HAO1: variants seen among roughly 807,000 people sequenced by gnomAD.
HAO1 encodes 2-Hydroxyacid oxidase 1.
A neutral mutation model predicts 39.7 loss-of-function variants in HAO1; 34 were observed. That is an observed-to-expected ratio of 0.86 (90% CI 0.65 to 1.14). The LOEUF is 1.14. HAO1 is among the 50% of genes most tolerant of loss of function. The probability of loss-of-function intolerance (pLI) is 0.00; values close to 1 mark genes in which losing one functional copy is unlikely to be tolerated. For missense variants in HAO1, 479 were observed against 464.5 expected, an observed-to-expected ratio of 1.03 and a Z score of -0.29; for synonymous variants, 172 against 173.2, an observed-to-expected ratio of 0.99 and a Z score of 0.05.
At chr20:7,892,465 A>G (rs2423322) in intron 5 of HAO1, among the ~76,000 whole-genome samples, 95,526 of 152,056 alleles carry the variant, frequency 0.63, 35,019 homozygotes, top group Non-Finnish European at 0.82. Flanking sequence ...TGCACACCCA[A>G]TATTCCCTGC....
chr20:7,905,494 A>G (rs1422990246), intron 4 of HAO1, among the ~76,000 whole-genome samples: 1 of 152,230 alleles, frequency 6.6e-6, no homozygotes, highest in Non-Finnish European at 1.5e-5. Context: ...AAGGTTATAT[A>G]CCACAAAGGT....
intron 4 of HAO1, among the ~76,000 whole-genome samples, chr20:7,905,157 C>T (rs142839930): frequency 3.3e-5 from 5 of 151,490 alleles, no homozygotes; most frequent in African/African-American, 9.8e-5. Context: ...TATTATATAT[C>T]GATTTAAAAA....
Position 7,940,335 on chromosome 20 carries a change from C to T in HAO1, c.88G>A (p.Gly30Arg). ...PKSIYDYYRS[G>R]ANDEETLADN... ...GCCAAAGTTTCTTCATCATTTGCCC[C>T]AGACCTGTAATAGTCATATATAGAC... Residue 30 changes from glycine to arginine, a missense_variant, in exon 1 of 8, where the codon GGG becomes AGG. Transcript: ENST00000378789. 1 of 1,611,298 alleles carries T rather than the reference C, an allele frequency of 6.2e-7. No homozygotes were observed. The highest frequency in any genetic ancestry group is 8.5e-7 in the Non-Finnish European group (1 of 1,178,682).
At chr20:7,922,047 C>T (rs576151896) in intron 2 of HAO1, among the ~76,000 whole-genome samples, 1 of 152,068 alleles carries the variant, frequency 6.6e-6, no homozygotes, top group African/African-American at 2.4e-5. Context: ...CACTCCAAAC[C>T]TCAGCATCAT....
rs776852123 is a variant in HAO1, at chr20:7,906,287, C to CT, written c.587dup (p.Glu197GlyfsTer15). ...GTCCACTGTCGTCTCCAAAATTTTC[C>CT]TCAGGAGAAAATGATAAAGTACTGG... On this transcript the variant is annotated frameshift_variant, in exon 4 of 8. Coordinates refer to ENST00000378789, the MANE Select transcript of HAO1 (RefSeq NM_017545.3). LOFTEE classifies it high-confidence loss of function. 9 of 1,612,000 alleles carry CT rather than the reference C, an allele frequency of 5.6e-6. No individual in the cohort carries two copies. The highest frequency in any genetic ancestry group is 7.6e-6 in the Non-Finnish European group (9 of 1,178,342).
At chr20:7,897,513 C>G (rs918165997) in intron 4 of HAO1, among the ~76,000 whole-genome samples, 1 of 151,992 alleles carries the variant, frequency 6.6e-6, no homozygotes, top group South Asian at 2.1e-4. Context: ...ATGTTATTGA[C>G]TTTACTGCTC....
chr20:7,924,766 A>G (rs990998863), intron 2 of HAO1, among the ~76,000 whole-genome samples: 2 of 152,184 alleles, frequency 1.3e-5, no homozygotes, highest in African/African-American at 4.8e-5. Flanking sequence ...GAAGCAAAAA[A>G]GTGTAATATG....
rs750293151 is a variant in HAO1 at position 7,912,452 on chromosome 20, T to TTAG, written c.545+1709_545+1711dup. Among the ~76,000 whole-genome samples, 320 of 152,128 alleles carry TTAG rather than the reference T, an allele frequency of 2.1e-3. 1 individual carries two copies. The highest frequency in any genetic ancestry group is 3.6e-3 in the Non-Finnish European group (248 of 67,992). On this transcript the variant is annotated intron_variant, in intron 3 of 7. Transcript: ENST00000378789. ...GTACTTACTATTGTTGTTACTATTG[T>TTAG]TAGTAGTAGTAGTGTTAAGAGATGG...
At chr20:7,902,019 A>G (rs2050223356) in intron 4 of HAO1, among the ~76,000 whole-genome samples, 1 of 152,242 alleles carries the variant, frequency 6.6e-6, no homozygotes, top group Non-Finnish European at 1.5e-5. Flanking sequence ...CATGAGATAA[A>G]ACTTAAATGA....
intron 7 of HAO1, among the ~76,000 whole-genome samples, 170 bp from the exon 8 acceptor site, chr20:7,883,833 A>G (rs1288518253): frequency 1.3e-5 from 2 of 152,240 alleles, no homozygotes; most frequent in Non-Finnish European, 2.9e-5. Context: ...AACAGTCCTT[A>G]ACACAAAATG....
intron 2 of HAO1, among the ~76,000 whole-genome samples, chr20:7,915,997 G>A (rs1248812238): frequency 6.6e-6 from 1 of 152,104 alleles, no homozygotes; most frequent in Non-Finnish European, 1.5e-5. Context: ...TAAAATGTGT[G>A]TGCTAGATAT....
At chr20:7,900,874 G>C (rs887848812) in intron 4 of HAO1, among the ~76,000 whole-genome samples, 1 of 152,194 alleles carries the variant, frequency 6.6e-6, no homozygotes, top group Non-Finnish European at 1.5e-5. Context: ...AAACAGCTAA[G>C]TTGTGAATGC....
At chr20:7,940,125 A>T (rs951818450) in intron 1 of HAO1, among the ~76,000 whole-genome samples, 161 bp downstream of exon 1, 1 of 152,226 alleles carries the variant, frequency 6.6e-6, no homozygotes, top group Non-Finnish European at 1.5e-5. Flanking sequence ...TTAACAATTT[A>T]AAGGCCCAAG....
At chr20:7,899,125 G>A (rs890689350) in intron 4 of HAO1, among the ~76,000 whole-genome samples, 2 of 151,860 alleles carry the variant, frequency 1.3e-5, no homozygotes, top group Non-Finnish European at 2.9e-5. Context: ...AGGAAGAAGT[G>A]ATTCACTGCT....
At chr20:7,914,100 G>A in intron 3 of HAO1, 64 bp downstream of exon 3, 2 of 1,578,064 alleles carry the variant, frequency 1.3e-6, no homozygotes, top group Non-Finnish European at 8.7e-7. Flanking sequence ...GTAGAACCCA[G>A]ACCCTAACAT....
At chr20:7,929,779 G>T (rs564045896) in intron 2 of HAO1, among the ~76,000 whole-genome samples, 1 of 152,186 alleles carries the variant, frequency 6.6e-6, no homozygotes, top group Non-Finnish European at 1.5e-5. Flanking sequence ...CAGGGGAATC[G>T]CTTGAACCTG....
chr20:7,911,324 C>T (rs947005242), intron 3 of HAO1, among the ~76,000 whole-genome samples: 1 of 152,170 alleles, frequency 6.6e-6, no homozygotes, highest in African/African-American at 2.4e-5. Flanking sequence ...ACTGGCAAAT[C>T]ATAGAAAGGA....
chr20:7,937,470 T>C (rs1416399945), intron 1 of HAO1, among the ~76,000 whole-genome samples: 2 of 152,100 alleles, frequency 1.3e-5, no homozygotes, highest in Admixed American at 6.6e-5. Context: ...CACTGGTAAC[T>C]TCATATCACT....
intron 5 of HAO1, among the ~76,000 whole-genome samples, chr20:7,890,205 GT>G (rs113483736): frequency 3.3e-5 from 5 of 150,858 alleles, no homozygotes; most frequent in Admixed American, 2.0e-4. Flanking sequence ...GTTATGGTTT[GT>G]TTTTTTTTGT....
Sources: allele counts gnomAD v4.1 joint callset (sites outside exome capture counted in the v4.1 genomes callset), GRCh38; gene constraint gnomAD v4.1.1; transcripts MANE v1.5; gene names NCBI Gene and HGNC (gene_info 2026-07-23, HGNC 2026-07-21).